The following DSCAM variants were observed in gnomAD, a reference collection of about 807,000 sequenced individuals.
DSCAM encodes cell adhesion molecule DSCAM.
DSCAM carries 47 observed loss-of-function variants against 217.7 expected under a neutral mutation model. The ratio of observed to expected loss-of-function variants is 0.22; its 90% CI spans 0.17 to 0.28. The LOEUF is 0.28. Ranked by LOEUF, DSCAM falls within the 10% of genes least tolerant of loss-of-function variation. DSCAM has a pLI of 1.00. For synonymous variants in DSCAM, 1,056 were observed against 1,015.3 expected, an observed-to-expected ratio of 1.04 and a Z score of -0.76; for missense variants, 2,080 against 2,618.3, an observed-to-expected ratio of 0.79 and a Z score of 4.49.
intron 32 of DSCAM, among the ~76,000 whole-genome samples, chr21:40,021,218 A>G (rs1425143108): frequency 6.6e-6 from 1 of 151,702 alleles, no homozygotes; most frequent in African/African-American, 2.4e-5. Context: ...AAAAAAAAAA[A>G]AAAAAAAAGA....
At chr21:40,081,590 G>A (rs757934678) in intron 24 of DSCAM, among the ~76,000 whole-genome samples, 39 of 152,198 alleles carry the variant, frequency 2.6e-4, no homozygotes, top group African/African-American at 8.7e-4. Flanking sequence ...CCTGCTCCCA[G>A]CCACATCCCA....
chr21:40,066,043 G>A (rs1401338669), intron 27 of DSCAM, among the ~76,000 whole-genome samples: 4 of 152,306 alleles, frequency 2.6e-5, no homozygotes, highest in Admixed American at 6.5e-5. Context: ...CGTCCCCACC[G>A]CCCCATGCAG....
At chr21:40,437,221 C>T (rs1416347572) in intron 3 of DSCAM, among the ~76,000 whole-genome samples, 1 of 152,100 alleles carries the variant, frequency 6.6e-6, no homozygotes, top group African/African-American at 2.4e-5. Flanking sequence ...GTGACATGTT[C>T]ACTGTTTGGG....
At chr21:40,442,532 T>C (rs1407102006) in intron 3 of DSCAM, among the ~76,000 whole-genome samples, 2 of 144,858 alleles carry the variant, frequency 1.4e-5, no homozygotes, top group African/African-American at 5.1e-5. Context: ...TTTTTTTTTT[T>C]TTGGTGAGAT....
chr21:40,583,016 T>C (rs1295245019), intron 3 of DSCAM, among the ~76,000 whole-genome samples: 1 of 152,106 alleles, frequency 6.6e-6, no homozygotes, highest in Non-Finnish European at 1.5e-5. Flanking sequence ...CAAAAAATTT[T>C]AGGAATCAGT....
intron 3 of DSCAM, among the ~76,000 whole-genome samples, chr21:40,568,662 A>T (rs1428182638): frequency 6.6e-6 from 1 of 152,248 alleles, no homozygotes; most frequent in Non-Finnish European, 1.5e-5. Context: ...CACATAGTAA[A>T]AGTTTTAGTA....
At chr21:40,615,904 C>T (rs754390480) in intron 3 of DSCAM, among the ~76,000 whole-genome samples, 19 of 151,918 alleles carry the variant, frequency 1.3e-4, no homozygotes, top group Non-Finnish European at 2.5e-4. Context: ...CCTAGAACAC[C>T]AGCCCAAGGA....
chr21:40,138,625 G>T (rs1278811863), intron 18 of DSCAM, among the ~76,000 whole-genome samples: 1 of 141,708 alleles, frequency 7.1e-6, no homozygotes, highest in East Asian at 2.3e-4. Context: ...TGAGTGTGTG[G>T]TGTATGTGGG....
chr21:40,737,131 A>G (rs1366937832), intron 1 of DSCAM, among the ~76,000 whole-genome samples: 1 of 152,156 alleles, frequency 6.6e-6, no homozygotes, highest in Non-Finnish European at 1.5e-5. Context: ...CTTTATTCTA[A>G]TTTCTTATTT....
Position 40,078,885 on chromosome 21 carries a change from G to A in DSCAM, c.4513C>T (p.Pro1505Ser). The change falls in exon 26 of 33, where the codon CCC (proline) becomes TCC (serine). Residue 1505 changes from proline (P) to serine (S), a missense_variant. This residue lies in a region of DSCAM where 1,144 missense variants were observed against 1,421.1 expected (regional missense o/e 0.81). Transcript: ENST00000400454. ...TACTCTAGTGTGAAGGAGGTGATGG[G>A]GCAGCCGCCATCATTCCAGCCAATG... is the stretch of plus-strand genomic sequence containing the variant. ...NLIGWNDGGC[P>S]ITSFTLEYRP... 1 of 1,614,160 alleles carries A rather than the reference G, an allele frequency of 6.2e-7. No homozygotes were observed. The highest frequency in any genetic ancestry group is 8.5e-7 in the Non-Finnish European group (1 of 1,180,028).
chr21:40,629,076 GGTGTGTGTGTGTGT>G (rs57351838), intron 3 of DSCAM, among the ~76,000 whole-genome samples: 58,011 of 144,068 alleles, frequency 0.4, 11,729 homozygotes, highest in South Asian at 0.52. Context: ...GTGTGTGTGT[GGTGTGTGTGTGTGT>G]GTGTGTGTGT....
At chr21:40,407,910 C>A (rs999670500) in intron 3 of DSCAM, among the ~76,000 whole-genome samples, 1 of 152,274 alleles carries the variant, frequency 6.6e-6, no homozygotes, top group Non-Finnish European at 1.5e-5. Flanking sequence ...TGGTTATAAC[C>A]CTTCTGGGTG....
intron 32 of DSCAM, among the ~76,000 whole-genome samples, chr21:40,040,474 A>AG (rs2088725578): frequency 6.6e-6 from 1 of 152,202 alleles, no homozygotes; most frequent in Non-Finnish European, 1.5e-5. Context: ...TCACACACAA[A>AG]GGGAAAATGA....
chr21:40,339,085 G>A, intron 7 of DSCAM, 34 bp downstream of exon 7: 2 of 1,608,060 alleles, frequency 1.2e-6, no homozygotes. Context: ...AATGAGTTAT[G>A]TGTGTTTTTT....
intron 10 of DSCAM, among the ~76,000 whole-genome samples, chr21:40,291,742 C>G (rs185920220): frequency 3.3e-5 from 5 of 152,300 alleles, no homozygotes; most frequent in African/African-American, 1.2e-4. Flanking sequence ...TAAATGCAAA[C>G]TACTCCCCAT....
intron 16 of DSCAM, among the ~76,000 whole-genome samples, chr21:40,156,108 G>A (rs1188416033): frequency 1.3e-5 from 2 of 151,224 alleles, no homozygotes; most frequent in Non-Finnish European, 2.9e-5. Flanking sequence ...GAATAACTAA[G>A]AGAACCCTTA....
At chr21:40,773,528 T>G (rs1490141949) in intron 1 of DSCAM, among the ~76,000 whole-genome samples, 1 of 152,174 alleles carries the variant, frequency 6.6e-6, no homozygotes, top group African/African-American at 2.4e-5. Context: ...CTTAATTACA[T>G]CTGCAAATAC....
At chr21:40,539,160 A>C (rs1170538002) in intron 3 of DSCAM, among the ~76,000 whole-genome samples, 1 of 152,156 alleles carries the variant, frequency 6.6e-6, no homozygotes, top group African/African-American at 2.4e-5. Flanking sequence ...CCCAGACCCC[A>C]GATGTCCACA....
intron 5 of DSCAM, among the ~76,000 whole-genome samples, chr21:40,348,194 T>G (rs2074582168): frequency 6.6e-6 from 1 of 152,266 alleles, no homozygotes; most frequent in Non-Finnish European, 1.5e-5. Context: ...TCAGCCACAT[T>G]ATTGCAATCG....
Sources: gnomAD v4.1 joint callset for allele counts (sites outside exome capture counted in the v4.1 genomes callset) on GRCh38, gnomAD v4.1.1 for gene constraint, gnomAD v4.1.1 regional missense constraint, MANE v1.5 for transcripts, NCBI Gene and HGNC (gene_info 2026-07-23, HGNC 2026-07-21) for gene names.